Variants in LRP1B observed in about 807,000 individuals in gnomAD.
LRP1B encodes the protein low-density lipoprotein receptor-related protein 1B.
A neutral mutation model predicts 556.6 loss-of-function variants in LRP1B; 217 were observed. The ratio of observed to expected loss-of-function variants is 0.39; its 90% CI spans 0.35 to 0.44. LRP1B has a LOEUF of 0.44. Among genes scored for constraint, LRP1B ranks in the 20% least tolerant of loss-of-function variants. The pLI is 1.00. For synonymous variants in LRP1B, 2,047 were observed against 1,865.8 expected (o/e 1.10, Z -2.50); for missense variants, 5,053 against 5,620.8 (o/e 0.90, Z 3.23).
In LRP1B at chr2:141,367,748, C is replaced by T. The variant is rs192887757; in HGVS notation, c.343+112648G>A. Among the ~76,000 whole-genome samples, 572 of 151,980 alleles carry T rather than the reference C, an allele frequency of 3.8e-3. 6 individuals are homozygous for T. Among genetic ancestry groups the T allele is most frequent in the Middle Eastern group, 0.014 (4 of 292 alleles). ...CCACCCGCCTCAGCCTCCCAAAGTG[C>T]TGTGCTAGGATTACAAGCATGAGCC... On this transcript the variant is annotated intron_variant, in intron 3 of 90. Transcript: ENST00000389484.
chr2:141,501,329 T>A (rs1683703393), intron 2 of LRP1B, among the ~76,000 whole-genome samples: 1 of 152,116 alleles, frequency 6.6e-6, no homozygotes, highest in African/African-American at 2.4e-5. Flanking sequence ...AATGGCTCCA[T>A]GAGTCCCATA....
intron 37 of LRP1B, among the ~76,000 whole-genome samples, chr2:140,713,151 T>C (rs902936675): frequency 1.3e-5 from 2 of 151,994 alleles, no homozygotes; most frequent in African/African-American, 4.8e-5. Context: ...CTTTACTGAG[T>C]ATTTCCTCTC....
chr2:140,969,039 A>G (rs1696325366), intron 18 of LRP1B, among the ~76,000 whole-genome samples: 2 of 152,294 alleles, frequency 1.3e-5, no homozygotes, highest in East Asian at 3.9e-4. Context: ...GTAGATGTCT[A>G]TTAGGTCCAC....
chr2:142,029,093 T>C (rs1703602496), intron 1 of LRP1B, among the ~76,000 whole-genome samples: 1 of 151,820 alleles, frequency 6.6e-6, no homozygotes, highest in Non-Finnish European at 1.5e-5. Flanking sequence ...TGAATGACTC[T>C]CCCTCTTCTG....
At chr2:140,703,664 G>A (rs1052178523) in intron 37 of LRP1B, among the ~76,000 whole-genome samples, 1 of 152,048 alleles carries the variant, frequency 6.6e-6, no homozygotes, top group African/African-American at 2.4e-5. Context: ...TACCTAATGG[G>A]TAGTTCCCCC....
At chr2:141,154,627 G>T (rs1327531581) in intron 7 of LRP1B, among the ~76,000 whole-genome samples, 3 of 151,426 alleles carry the variant, frequency 2.0e-5, no homozygotes, top group Non-Finnish European at 4.4e-5. Flanking sequence ...TTATCAGAAT[G>T]TTTTCTAGAT....
chr2:141,478,841 G>A (rs753803727), intron 3 of LRP1B, among the ~76,000 whole-genome samples: 6 of 151,982 alleles, frequency 3.9e-5, no homozygotes, highest in Middle Eastern at 3.4e-3. Flanking sequence ...CACTGCACCC[G>A]GCCTACTTTC....
chr2:141,665,439 G>T (rs1450942921), intron 2 of LRP1B, among the ~76,000 whole-genome samples: 1 of 152,168 alleles, frequency 6.6e-6, no homozygotes, highest in African/African-American at 2.4e-5. Context: ...ATAGATGCTG[G>T]TGAGTCTGTG....
intron 3 of LRP1B, among the ~76,000 whole-genome samples, chr2:141,448,792 C>G (rs1681298193): frequency 1.3e-5 from 2 of 152,206 alleles, no homozygotes; most frequent in African/African-American, 4.8e-5. Flanking sequence ...AAATCACCCA[C>G]CTTCTGCGTT....
chr2:140,254,335 ATG>A (rs1681581336), intron 86 of LRP1B, among the ~76,000 whole-genome samples: 1 of 152,152 alleles, frequency 6.6e-6, no homozygotes, highest in Admixed American at 6.5e-5. Context: ...TTAGTGCAAA[ATG>A]TAACTCTGAT....
At position 140,351,051 on chromosome 2, in the gene LRP1B, A is replaced by G; in HGVS notation, c.11651-13T>C. 1 of 1,499,680 alleles carries G rather than the reference A, an allele frequency of 6.7e-7. No individual in the cohort carries two copies. Among genetic ancestry groups the G allele is most frequent in the Non-Finnish European group, 9.0e-7 (1 of 1,107,280 alleles). The allele number at this position is 1,499,680 out of a possible 1,614,324, so 92.9% of individuals were successfully genotyped here. A position where few individuals can be genotyped will look rare whatever the true frequency, so the allele number is the denominator to read the frequency against. On this transcript the variant is annotated splice_polypyrimidine_tract_variant and intron_variant, in intron 76 of 90. Coordinates refer to ENST00000389484, the MANE Select transcript of LRP1B (RefSeq NM_018557.3). ...TGATCTTCAGAGCCTGGAGATTATT[A>G]TAATAAAATACAAAAATAAAGTAAA... is the stretch of plus-strand genomic sequence containing the variant.
chr2:141,334,711 C>T (rs572904626), intron 3 of LRP1B, among the ~76,000 whole-genome samples: 19 of 152,230 alleles, frequency 1.2e-4, no homozygotes, highest in Non-Finnish European at 2.1e-4. Context: ...ACCACTATGC[C>T]AGGCTAATTT....
chr2:140,665,597 T>C (rs1013572830), intron 41 of LRP1B, among the ~76,000 whole-genome samples: 5 of 152,188 alleles, frequency 3.3e-5, no homozygotes, highest in African/African-American at 1.2e-4. Context: ...AGAAATGTGT[T>C]CATTATTGCA....
chr2:141,905,431 A>G (rs1402949574), intron 1 of LRP1B, among the ~76,000 whole-genome samples: 2 of 151,800 alleles, frequency 1.3e-5, no homozygotes, highest in Non-Finnish European at 1.5e-5. Context: ...TAAATTTTGA[A>G]GTGAGTCCAA....
intron 41 of LRP1B, among the ~76,000 whole-genome samples, chr2:140,616,094 C>A (rs1683247225): frequency 6.8e-6 from 1 of 147,412 alleles, no homozygotes; most frequent in Admixed American, 7.1e-5. Flanking sequence ...TAATTTTTAC[C>A]CATAAAGTTA....
intron 7 of LRP1B, among the ~76,000 whole-genome samples, chr2:141,159,747 G>A (rs1245551272): frequency 1.3e-5 from 2 of 152,146 alleles, no homozygotes; most frequent in Non-Finnish European, 2.9e-5. Flanking sequence ...GGCAAAAGAT[G>A]TATTGTTCAA....
chr2:141,319,551 G>T (rs1422589468), intron 3 of LRP1B, among the ~76,000 whole-genome samples: 1 of 151,930 alleles, frequency 6.6e-6, no homozygotes, highest in East Asian at 1.9e-4. Context: ...GATTTCTCAT[G>T]GAGGCTGCTT....
intron 66 of LRP1B, among the ~76,000 whole-genome samples, chr2:140,433,262 G>A (rs570460006): frequency 6.6e-6 from 1 of 151,886 alleles, no homozygotes; most frequent in Admixed American, 6.6e-5. Context: ...CATGCCCAGC[G>A]AATTTTTGTA....
rs1014027148 is a variant in LRP1B at position 140,510,137 on chromosome 2, G to T, written c.8270-81C>A. On this transcript the variant is annotated intron_variant, in intron 51 of 90. Coordinates refer to ENST00000389484, the MANE Select transcript of LRP1B (RefSeq NM_018557.3). ...CTACCATTTACATTTTCTACAGTAA[G>T]GGGGGAAGCAGAAGAATGTTGCTTA... is the stretch of plus-strand genomic sequence containing the variant. 7 of 1,462,244 alleles carry T rather than the reference G, an allele frequency of 4.8e-6. No individual in the cohort carries two copies. The African/African-American group carries it at 7.0e-5, about 15-fold the overall frequency. 90.6% of individuals were successfully genotyped at this position (1,462,244 alleles called of 1,614,324 possible).
Sources: allele counts gnomAD v4.1 joint callset (sites outside exome capture counted in the v4.1 genomes callset), GRCh38; gene constraint gnomAD v4.1.1; transcripts MANE v1.5; gene names NCBI Gene and HGNC (gene_info 2026-07-23, HGNC 2026-07-21).